TRAPPC8: variants seen among roughly 807,000 people sequenced by gnomAD.
TRAPPC8 encodes general sporulation gene 1 homolog.
Under a neutral mutation model 174.3 loss-of-function variants are expected in TRAPPC8, and 54 were observed. The observed-to-expected ratio is 0.31, with a 90% CI of 0.25 to 0.39. TRAPPC8 has a LOEUF of 0.39. Ranked by LOEUF, TRAPPC8 falls within the 10% of genes least tolerant of loss-of-function variation. TRAPPC8 has a pLI of 1.00. For missense variants in TRAPPC8, 1,531 were observed against 1,699.1 expected, an observed-to-expected ratio of 0.90 and a Z score of 1.74; for synonymous variants, 630 against 579.9, an observed-to-expected ratio of 1.09 and a Z score of -1.24.
intron 14 of TRAPPC8, 86 bp downstream of exon 14, chr18:31,873,344 T>C (rs2034980360): frequency 8.9e-7 from 1 of 1,126,360 alleles, no homozygotes; most frequent in Non-Finnish European, 1.3e-6. Flanking sequence ...AATATTCAAC[T>C]ATACATCGTT....
chr18:31,928,799 T>C (rs1024157454), intron 2 of TRAPPC8, among the ~76,000 whole-genome samples: 6 of 152,132 alleles, frequency 3.9e-5, no homozygotes, highest in Middle Eastern at 3.2e-3. Context: ...ACAGCAGAAA[T>C]CAATAAATAT....
intron 6 of TRAPPC8, 136 bp from the exon 7 acceptor site, chr18:31,909,146 T>G (rs894164355): frequency 1.2e-6 from 1 of 810,162 alleles, no homozygotes; most frequent in Non-Finnish European, 1.7e-6. Flanking sequence ...ATGTCTAAGA[T>G]AAAACAGCAG....
Position 31,923,488 on chromosome 18 carries a change from A to C in TRAPPC8, c.353-5821T>G, listed in dbSNP as rs571327598. Among the ~76,000 whole-genome samples, 12 of 152,302 alleles carry C rather than the reference A, an allele frequency of 7.9e-5. No homozygotes were observed. In the South Asian group the frequency reaches 2.3e-3, roughly 29 times the overall value. ...CTTATGAGGTAAATATCTAACATCTATTTCTTTAACAGAATGAATGAAAAG... is the reference window on the plus strand; with the variant it reads ...CTTATGAGGTAAATATCTAACATCTCTTTCTTTAACAGAATGAATGAAAAG... On this transcript the variant is annotated intron_variant, in intron 2 of 28. Coordinates refer to ENST00000283351, the MANE Select transcript of TRAPPC8 (RefSeq NM_014939.5).
intron 5 of TRAPPC8, among the ~76,000 whole-genome samples, chr18:31,912,745 T>C (rs1252362804): frequency 1.4e-4 from 22 of 152,188 alleles, no homozygotes; most frequent in Non-Finnish European, 5.9e-5. Context: ...GCATTCATAA[T>C]GAATTAAACA....
intron 1 of TRAPPC8, among the ~76,000 whole-genome samples, chr18:31,934,423 T>A (rs558171836): frequency 6.6e-6 from 1 of 152,280 alleles, no homozygotes; most frequent in East Asian, 1.9e-4. Context: ...TCTATAACTG[T>A]TATGTTTTCT....
At chr18:31,917,978 T>G (rs2037221284) in intron 2 of TRAPPC8, among the ~76,000 whole-genome samples, 1 of 151,778 alleles carries the variant, frequency 6.6e-6, no homozygotes, top group African/African-American at 2.4e-5. Context: ...ATACAAAAAT[T>G]AGCCGGGCAT....
chr18:31,888,838 T>C (rs938551319), intron 12 of TRAPPC8, among the ~76,000 whole-genome samples: 2 of 152,210 alleles, frequency 1.3e-5, no homozygotes, highest in Non-Finnish European at 2.9e-5. Flanking sequence ...GATGTGTTGA[T>C]GGGTGCAGCA....
chr18:31,905,029 C>CA (rs59488247), intron 9 of TRAPPC8, among the ~76,000 whole-genome samples: 19,325 of 112,256 alleles, frequency 0.17, 1,584 homozygotes, highest in South Asian at 0.35. Flanking sequence ...GATTCCATCT[C>CA]AAAAAAAAAA....
In TRAPPC8 at chr18:31,890,846, T is replaced by A; in HGVS notation, c.1617A>T (p.Ala539=). 6.2e-7 allele frequency: 1 copy of A among 1,610,630 alleles called. No individual in the cohort carries two copies. Among genetic ancestry groups the A allele is most frequent in the Non-Finnish European group, 8.5e-7 (1 of 1,178,262 alleles). Residue 539 remains alanine, a synonymous_variant, in exon 12 of 29, where the codon GCA becomes GCT. Transcript: ENST00000283351. ...AATGTGCTGCCTGTTCCAAAAGAAG[T>A]GCACTTCGAAGATCAGAATCCTAGT... ...LTSEDSDLRS[A]LLLEQAAHCF...
chr18:31,924,628 T>A (rs1024792430), intron 2 of TRAPPC8, among the ~76,000 whole-genome samples: 6 of 145,384 alleles, frequency 4.1e-5, no homozygotes, highest in African/African-American at 7.8e-5. Flanking sequence ...CTAATTTTTT[T>A]AAATCTGCCT....
intron 21 of TRAPPC8, among the ~76,000 whole-genome samples, chr18:31,854,765 G>A (rs2033904310): frequency 6.6e-6 from 1 of 151,698 alleles, no homozygotes; most frequent in Non-Finnish European, 1.5e-5. Flanking sequence ...TCAGGAGATC[G>A]AGACCATCCT....
Position 31,935,548 on chromosome 18 carries a change from T to TGAAAAAAAAAAAAAAAAAAAAA in TRAPPC8, c.158-4026_158-4025insTTTTTTTTTTTTTTTTTTTTTC, listed in dbSNP as rs745488703. 5.4e-3 allele frequency among the ~76,000 whole-genome samples: 252 copies of TGAAAAAAAAAAAAAAAAAAAAA among 46,240 alleles called. 73 individuals are homozygous for TGAAAAAAAAAAAAAAAAAAAAA. The highest frequency in any genetic ancestry group is 0.051 in the Middle Eastern group (4 of 78). The allele number at this position is 46,240 out of a possible 152,430, so 30.3% of individuals were successfully genotyped here. On this transcript the variant is annotated intron_variant, in intron 1 of 28. Transcript: ENST00000283351. The stretch of plus-strand genomic sequence containing the variant: ...GGGCAACAAGAGCGAAACTCCATCT[T>TGAAAAAAAAAAAAAAAAAAAAA]AAAAAAAAAAAAAAAAAAAAGCAGG...
At chr18:31,935,551 A>AAAAAAAAAG (rs2038057794) in intron 1 of TRAPPC8, among the ~76,000 whole-genome samples, 1 of 122,494 alleles carries the variant, frequency 8.2e-6, no homozygotes. Context: ...TCCATCTTAA[A>AAAAAAAAAG]AAAAAAAAAA....
intron 1 of TRAPPC8, among the ~76,000 whole-genome samples, chr18:31,939,950 CAAT>C (rs1260851243): frequency 2.6e-5 from 4 of 152,174 alleles, no homozygotes; most frequent in African/African-American, 9.7e-5. Flanking sequence ...AGTGTACTGA[CAAT>C]GAGCCGCTAT....
chr18:31,906,737 T>C (rs891898390), intron 9 of TRAPPC8, among the ~76,000 whole-genome samples: 4 of 152,212 alleles, frequency 2.6e-5, no homozygotes, highest in African/African-American at 4.8e-5. Context: ...GGCTTTGTAA[T>C]CAATTACAAA....
At chr18:31,909,133 T>TAAAA in intron 6 of TRAPPC8, 123 bp from the exon 7 acceptor site, 1 of 940,040 alleles carries the variant, frequency 1.1e-6, no homozygotes, top group East Asian at 2.8e-5. Flanking sequence ...TCAGTATAGG[T>TAAAA]AAATGTCTAA....
At chr18:31,847,442 A>G (rs1172817647) in intron 25 of TRAPPC8, among the ~76,000 whole-genome samples, 1 of 152,216 alleles carries the variant, frequency 6.6e-6, no homozygotes, top group African/African-American at 2.4e-5. Flanking sequence ...TCATTATCAC[A>G]TTATGTGCAA....
At chr18:31,913,267 C>A (rs1198219444) in intron 5 of TRAPPC8, 102 bp downstream of exon 5, 11 of 1,310,118 alleles carry the variant, frequency 8.4e-6, no homozygotes, top group Non-Finnish European at 1.1e-5. Flanking sequence ...CAAAACTGAC[C>A]AGATTCCACA....
At chr18:31,926,566 C>T (rs1260690617) in intron 2 of TRAPPC8, 1 of 151,858 alleles carries the variant, frequency 6.6e-6, no homozygotes, top group Non-Finnish European at 1.5e-5. Context: ...CCTCAAGCAG[C>T]TGGGATTACA....
Sources: gnomAD v4.1 joint callset for allele counts (sites outside exome capture counted in the v4.1 genomes callset) on GRCh38, gnomAD v4.1.1 for gene constraint, MANE v1.5 for transcripts, NCBI Gene and HGNC (gene_info 2026-07-23, HGNC 2026-07-21) for gene names.